The following LAP3 variants were observed in gnomAD, a reference collection of about 807,000 sequenced individuals.
The protein encoded by LAP3 is leucine aminopeptidase 3.
In LAP3, 46 loss-of-function variants were observed where a neutral mutation model predicts 58.8. The observed-to-expected ratio is 0.78, with a 90% CI of 0.62 to 1.00. The LOEUF (loss-of-function observed/expected upper bound fraction) is 1.00, where lower values mean the gene tolerates loss of function less well. Among genes scored for constraint, LAP3 ranks in the 50% least tolerant of loss-of-function variants. The pLI is 0.00. For missense variants in LAP3, 615 were observed against 659.1 expected, an observed-to-expected ratio of 0.93 and a Z score of 0.73; for synonymous variants, 257 against 237.7, an observed-to-expected ratio of 1.08 and a Z score of -0.75.
At chr4:17,602,346 A>C (rs1714001401) in intron 10 of LAP3, among the ~76,000 whole-genome samples, 1 of 152,178 alleles carries the variant, frequency 6.6e-6, no homozygotes, top group Admixed American at 6.5e-5. Flanking sequence ...GATTACTAGG[A>C]GCTCATACCA....
At chr4:17,587,349 A>C (rs1713547136) in intron 6 of LAP3, 1 of 152,194 alleles carries the variant, frequency 6.6e-6, no homozygotes, top group South Asian at 2.1e-4. Flanking sequence ...CAGTTCTTCC[A>C]CAAGGGCAGG....
intron 5 of LAP3, 149 bp downstream of exon 5, chr4:17,583,791 G>A: frequency 1.2e-6 from 1 of 814,174 alleles, no homozygotes; most frequent in Non-Finnish European, 1.9e-6. Context: ...TTAATAATGT[G>A]GTCAAAATTA....
At chr4:17,587,483 A>T (rs1243590539) in intron 6 of LAP3, 1 of 149,050 alleles carries the variant, frequency 6.7e-6, no homozygotes, top group Non-Finnish European at 1.5e-5. Context: ...TCCGATTTAA[A>T]ATTTTTTTCC....
At position 17,581,823 on chromosome 4, in the gene LAP3, A is replaced by G; in HGVS notation, c.273+9A>G. 1 of 1,611,240 alleles carries G rather than the reference A, an allele frequency of 6.2e-7. No individual in the cohort carries two copies. The highest frequency in any genetic ancestry group is 1.1e-5 in the South Asian group (1 of 90,960). On this transcript the variant is annotated intron_variant, in intron 3 of 12. Transcript: ENST00000226299. ...TTTATGGTCTGCATCAGGTATGAGAAGAACGTGATCATTTGGTAAACCCTC... is the reference window on the plus strand; with the variant it reads ...TTTATGGTCTGCATCAGGTATGAGAGGAACGTGATCATTTGGTAAACCCTC...
At chr4:17,582,022 C>T (rs1047991837) in intron 3 of LAP3, 7 of 592,382 alleles carry the variant, frequency 1.2e-5, no homozygotes, top group Middle Eastern at 4.1e-4. Context: ...TTTCTTTATC[C>T]GGTTGTGGCT....
intron 7 of LAP3, among the ~76,000 whole-genome samples, chr4:17,595,070 T>C (rs984544979): frequency 6.6e-6 from 1 of 151,304 alleles, no homozygotes; most frequent in Non-Finnish European, 1.5e-5. Context: ...AGGCCGAGGC[T>C]GGCGGATCAC....
At chr4:17,603,095 C>T (rs1341750588) in intron 10 of LAP3, among the ~76,000 whole-genome samples, 1 of 151,602 alleles carries the variant, frequency 6.6e-6, no homozygotes, top group African/African-American at 2.4e-5. Context: ...ATCACGAGGT[C>T]AGGAGATCAA....
chr4:17,583,404 A>T, intron 4 of LAP3, 79 bp from the exon 5 acceptor site: 1 of 1,520,220 alleles, frequency 6.6e-7, no homozygotes, highest in Non-Finnish European at 9.1e-7. Flanking sequence ...TTCTCAGCAC[A>T]TCACATCATG....
chr4:17,588,714 A>T, intron 6 of LAP3, 105 bp from the exon 7 acceptor site: 2 of 1,076,150 alleles, frequency 1.9e-6, no homozygotes, highest in Non-Finnish European at 2.7e-6. Flanking sequence ...CGTATACTTT[A>T]AGAGTTTGTA....
In LAP3 at chr4:17,595,479, T is replaced by C; in HGVS notation, c.933T>C (p.Thr311=). ...GGGCTGACATGGGAGGAGCTGCAAC[T>C]ATATGCTCAGCCATCGTGTCTGCTG... ...LMRADMGGAA[T]ICSAIVSAAK... The change falls in exon 8 of 13, where the codon ACT becomes ACC. Residue 311 remains threonine, a synonymous_variant. Coordinates refer to ENST00000226299, the MANE Select transcript of LAP3 (RefSeq NM_015907.3). 6.2e-7 allele frequency: 1 copy of C among 1,614,052 alleles called. No individual in the cohort carries two copies. The highest frequency in any genetic ancestry group is 8.5e-7 in the Non-Finnish European group (1 of 1,179,968).
intron 7 of LAP3, among the ~76,000 whole-genome samples, chr4:17,590,715 GC>G (rs1005167152): frequency 6.6e-5 from 10 of 151,680 alleles, no homozygotes; most frequent in African/African-American, 2.2e-4. Context: ...GGGACTACAG[GC>G]CCCCGCCACC....
chr4:17,593,281 T>A (rs1713741211), intron 7 of LAP3, among the ~76,000 whole-genome samples: 1 of 152,208 alleles, frequency 6.6e-6, no homozygotes, highest in Non-Finnish European at 1.5e-5. Flanking sequence ...AATCTTTGTG[T>A]ATGGTGTGAA....
chr4:17,587,212 G>A (rs187404154), intron 6 of LAP3, among the ~76,000 whole-genome samples: 65 of 152,282 alleles, frequency 4.3e-4, no homozygotes, highest in Non-Finnish European at 6.0e-4. Flanking sequence ...ACTTGTAGCC[G>A]AGCAAAGGGA....
At chr4:17,602,451 T>C (rs940764656) in intron 10 of LAP3, among the ~76,000 whole-genome samples, 14 of 152,206 alleles carry the variant, frequency 9.2e-5, no homozygotes, top group Non-Finnish European at 2.1e-4. Context: ...TTTAAAAATA[T>C]GCTAATTAAT....
rs114108264 is a variant in LAP3 at position 17,582,160 on chromosome 4, G to A, written c.274-128G>A. On this transcript the variant is annotated intron_variant, in intron 3 of 12. Transcript: ENST00000226299. ...AAGCCACAACCAAATTTCACCGTGC[G>A]TTTAGCCCTGTTGCTGCAGTTAAAG... is the stretch of plus-strand genomic sequence containing the variant. 8.3e-4 allele frequency: 631 copies of A among 760,942 alleles called. 1 individual carries two copies. In the African/African-American group the frequency reaches 9.4e-3, roughly 11 times the overall value. 47.1% of individuals were successfully genotyped at this position (760,942 alleles called of 1,614,324 possible). A position where few individuals can be genotyped will look rare whatever the true frequency, so the allele number is the denominator to read the frequency against.
chr4:17,579,711 G>A, intron 1 of LAP3, 113 bp from the exon 2 acceptor site: 2 of 567,832 alleles, frequency 3.5e-6, no homozygotes, highest in Non-Finnish European at 3.1e-6. Context: ...TGTCCATGGG[G>A]AGGACACGGT....
Position 17,607,510 on chromosome 4 carries a change from A to C in LAP3, c.1481A>C (p.Tyr494Ser). The C allele has an allele frequency of 6.2e-7, 1 of 1,614,146 alleles. No individual in the cohort carries two copies. The change falls in exon 13 of 13, where the codon TAT becomes TCT. Residue 494 changes from tyrosine (Y) to serine (S), a missense_variant. Tyr to Ser is a moderately radical substitution (Grantham distance 144). Transcript: ENST00000226299. ...GVMTNKDEVP[Y>S]LRKGMTGRPT... ...ATGACCAACAAAGATGAAGTTCCCT[A>C]TCTACGGAAAGGCATGACTGGGAGG...
At chr4:17,598,706 A>G in intron 10 of LAP3, 148 bp downstream of exon 10, 1 of 622,644 alleles carries the variant, frequency 1.6e-6, no homozygotes, top group Non-Finnish European at 2.9e-6. Flanking sequence ...ATTGTTCTGC[A>G]GTTGTAAAAT....
rs149390150 is a variant in LAP3 at position 17,607,552 on chromosome 4, T to C, written c.1523T>C (p.Ile508Thr). Residue 508 changes from isoleucine to threonine, a missense_variant, in exon 13 of 13, where the codon ATT (isoleucine) becomes ACT (threonine). Transcript: ENST00000226299. ...GMTGRPTRTL[I>T]EFLLRFSQDN... ...ACTGGGAGGCCCACAAGGACTCTCA[T>C]TGAGTTCTTACTTCGTTTCAGTCAA... 2.5e-5 allele frequency: 40 copies of C among 1,613,774 alleles called. No homozygotes were observed. Among genetic ancestry groups the C allele is most frequent in the Admixed American group, 8.4e-5 (5 of 59,830 alleles).
Sources: allele counts gnomAD v4.1 joint callset (sites outside exome capture counted in the v4.1 genomes callset), GRCh38; gene constraint gnomAD v4.1.1; transcripts MANE v1.5; gene names NCBI Gene and HGNC (gene_info 2026-07-23, HGNC 2026-07-21).